MPRIP: variants seen among roughly 807,000 people sequenced by gnomAD.
The protein encoded by MPRIP is myosin phosphatase Rho-interacting protein.
MPRIP carries 59 observed loss-of-function variants against 234.9 expected under a neutral mutation model. The observed-to-expected ratio is 0.25, with a 90% CI of 0.20 to 0.31. The LOEUF is 0.31. Among genes scored for constraint, MPRIP ranks in the 10% least tolerant of loss-of-function variants. The pLI is 1.00. For synonymous variants in MPRIP, 1,144 were observed against 1,263.9 expected (o/e 0.91, Z 2.01); for missense variants, 2,436 against 3,071.0 (o/e 0.79, Z 4.89).
chr17:17,164,789 G>A lies in MPRIP; in HGVS notation c.3198G>A (p.Lys1066=), dbSNP rs1298941076. 4 of 1,304,116 alleles carry A rather than the reference G, an allele frequency of 3.1e-6. No individual in the cohort carries two copies. In the East Asian group the frequency reaches 2.2e-4, roughly 72 times the overall value. 80.8% of individuals were successfully genotyped at this position (1,304,116 alleles called of 1,614,324 possible). A position where few individuals can be genotyped will look rare whatever the true frequency, so the allele number is the denominator to read the frequency against. Reference sequence around the variant, plus strand: ...CACAGCAGGTGGAGACCCTGCAGAAGGAGAAGCTGAGCGCCACTTTCGAGG... The same window carrying A: ...CACAGCAGGTGGAGACCCTGCAGAAAGAGAAGCTGAGCGCCACTTTCGAGG... ...GQAQQVETLQ[K]EKLSATFEGS... Residue 1066 remains lysine (K), a synonymous_variant, in exon 16 of 24, where the codon AAG becomes AAA. Coordinates refer to ENST00000651222, the MANE Select transcript of MPRIP (RefSeq NM_001364716.4).
intron 1 of MPRIP, among the ~76,000 whole-genome samples, chr17:17,067,160 TTC>T (rs2089056683): frequency 6.6e-6 from 1 of 152,226 alleles, no homozygotes; most frequent in South Asian, 2.1e-4. Context: ...TTCTTTTTCT[TTC>T]TCAATTTCAG....
chr17:17,109,994 G>A (rs1269089817), intron 3 of MPRIP, among the ~76,000 whole-genome samples: 1 of 152,202 alleles, frequency 6.6e-6, no homozygotes, highest in African/African-American at 2.4e-5. Flanking sequence ...GTTGAAATGT[G>A]TTCCCCAGTG....
At chr17:17,127,997 A>C (rs2090526165) in intron 4 of MPRIP, among the ~76,000 whole-genome samples, 1 of 152,144 alleles carries the variant, frequency 6.6e-6, no homozygotes, top group South Asian at 2.1e-4. Flanking sequence ...CCTGGAGCCG[A>C]GCTGGAGGAG....
intron 5 of MPRIP, among the ~76,000 whole-genome samples, chr17:17,132,721 T>C (rs1414908723): frequency 6.6e-6 from 1 of 152,148 alleles, no homozygotes; most frequent in African/African-American, 2.4e-5. Context: ...TCTCAGCCCA[T>C]GGTCATCCAC....
chr17:17,072,775 A>AG (rs911184441), intron 1 of MPRIP, among the ~76,000 whole-genome samples: 6 of 152,062 alleles, frequency 3.9e-5, no homozygotes, highest in African/African-American at 1.2e-4. Flanking sequence ...GTGAGTTCTC[A>AG]GTAATTACAG....
intron 20 of MPRIP, among the ~76,000 whole-genome samples, chr17:17,175,792 G>A (rs1429212572): frequency 6.6e-6 from 1 of 152,246 alleles, no homozygotes; most frequent in African/African-American, 2.4e-5. Flanking sequence ...GGAGTATAGG[G>A]TGTCCTTTTA....
At chr17:17,093,566 C>T (rs988167560) in intron 3 of MPRIP, among the ~76,000 whole-genome samples, 3 of 152,100 alleles carry the variant, frequency 2.0e-5, no homozygotes, top group African/African-American at 7.2e-5. Context: ...ACTGTGCTCC[C>T]TGATATATGT....
At chr17:17,063,725 G>C (rs1185442220) in intron 1 of MPRIP, among the ~76,000 whole-genome samples, 3 of 152,228 alleles carry the variant, frequency 2.0e-5, no homozygotes, top group African/African-American at 4.8e-5. Flanking sequence ...GTCACCGACT[G>C]TTCCCTTCTC....
intron 5 of MPRIP, among the ~76,000 whole-genome samples, chr17:17,133,612 A>G (rs1348932196): frequency 1.3e-5 from 2 of 152,146 alleles, no homozygotes; most frequent in Non-Finnish European, 2.9e-5. Context: ...GAGAGCTTGA[A>G]GCGTTGGCTG....
At chr17:17,060,275 C>T (rs945377678) in intron 1 of MPRIP, among the ~76,000 whole-genome samples, 2 of 152,240 alleles carry the variant, frequency 1.3e-5, no homozygotes, top group Non-Finnish European at 2.9e-5. Context: ...CTCCCAGGGC[C>T]GTGGCCCCAG....
intron 14 of MPRIP, among the ~76,000 whole-genome samples, chr17:17,160,079 CAG>C (rs1461322095): frequency 6.6e-6 from 1 of 152,180 alleles, no homozygotes; most frequent in Admixed American, 6.5e-5. Context: ...GTTTAAAAGT[CAG>C]GGGTCGGCTG....
At chr17:17,053,303 A>G (rs907744332) in intron 1 of MPRIP, among the ~76,000 whole-genome samples, 7 of 152,072 alleles carry the variant, frequency 4.6e-5, no homozygotes, top group South Asian at 2.1e-4. Context: ...TGAAGCATCT[A>G]TGCCCCTCAT....
At chr17:17,075,558 C>G (rs2089307831) in intron 1 of MPRIP, 152 bp from the exon 2 acceptor site, 2 of 683,520 alleles carry the variant, frequency 2.9e-6, no homozygotes, top group Non-Finnish European at 5.2e-6. Flanking sequence ...GACTCTCAAG[C>G]AGCTGCAGAC....
At chr17:17,169,474 G>GA (rs2046083117) in intron 16 of MPRIP, among the ~76,000 whole-genome samples, 2 of 152,320 alleles carry the variant, frequency 1.3e-5, no homozygotes, top group Middle Eastern at 3.4e-3. Context: ...CAAGAAATCA[G>GA]AAAAAAGAGG....
At chr17:17,136,532 C>T (rs946589120) in intron 6 of MPRIP, 82 bp downstream of exon 6, 1 of 1,339,322 alleles carries the variant, frequency 7.5e-7, no homozygotes, top group African/African-American at 1.5e-5. Context: ...TCAGCCAAGG[C>T]CTGTAGAGCC....
chr17:17,103,660 C>T (rs555345143), intron 3 of MPRIP, among the ~76,000 whole-genome samples: 66 of 152,300 alleles, frequency 4.3e-4, no homozygotes, highest in Non-Finnish European at 7.6e-4. Flanking sequence ...TTGGTTCCTT[C>T]CTAATAAGAT....
At chr17:17,099,941 G>A (rs1394394300) in intron 3 of MPRIP, among the ~76,000 whole-genome samples, 1 of 152,176 alleles carries the variant, frequency 6.6e-6, no homozygotes, top group Non-Finnish European at 1.5e-5. Context: ...ATCAAAAGAT[G>A]TTTTCCAGGA....
In MPRIP at chr17:17,188,493, C is replaced by T. The variant is rs1285656672; in HGVS notation, c.*3599C>T. The T allele has an allele frequency of 1.3e-5, 2 of 152,206 alleles. No homozygotes were observed. The highest frequency in any genetic ancestry group is 2.9e-5 in the Non-Finnish European group (2 of 68,052). The allele number at this position is 152,206 out of a possible 1,614,324, so 9.4% of individuals were successfully genotyped here. A position where few individuals can be genotyped will look rare whatever the true frequency, so the allele number is the denominator to read the frequency against. On this transcript the variant is annotated 3_prime_UTR_variant, in exon 24 of 24. Transcript: ENST00000651222. ...CCACCAGCTCCCATCACCCCTTGACCCTCCAGCTCATGCTGGAGAAGAGGG... is the reference window on the plus strand; with the variant it reads ...CCACCAGCTCCCATCACCCCTTGACTCTCCAGCTCATGCTGGAGAAGAGGG...
Position 17,166,595 on chromosome 17 carries a change from C to T in MPRIP, c.5004C>T (p.Val1668=). The change falls in exon 16 of 24, where the codon GTC becomes GTT. Residue 1668 remains valine (V), a synonymous_variant. Transcript: ENST00000651222. The surrounding 1 kb of genome is among the most constrained non-coding windows in gnomAD (Gnocchi z 4.4). The stretch of plus-strand genomic sequence containing the variant: ...CCATCCTGGCCAATGCCACATGGGT[C>T]AGGGCAGAGCTCAGCTTTGCCACAC... ...LAPILANATW[V]RAELSFATQS... 7.7e-7 allele frequency: 1 copy of T among 1,304,022 alleles called. No individual in the cohort carries two copies. Among genetic ancestry groups the T allele is most frequent in the South Asian group, 1.2e-5 (1 of 81,024 alleles). 80.8% of individuals were successfully genotyped at this position (1,304,022 alleles called of 1,614,324 possible). A position where few individuals can be genotyped will look rare whatever the true frequency, so the allele number is the denominator to read the frequency against.
Sources: allele counts gnomAD v4.1 joint callset (sites outside exome capture counted in the v4.1 genomes callset), GRCh38; gene constraint gnomAD v4.1.1; non-coding constraint Gnocchi (gnomAD v3.1); transcripts MANE v1.5; gene names NCBI Gene and HGNC (gene_info 2026-07-23, HGNC 2026-07-21).